The following RBKS variants were observed in gnomAD, a reference collection of about 807,000 sequenced individuals.
RBKS encodes the protein ribokinase.
A neutral mutation model predicts 33.9 loss-of-function variants in RBKS; 33 were observed. That is an observed-to-expected ratio of 0.97 (90% CI 0.74 to 1.30). The LOEUF (loss-of-function observed/expected upper bound fraction) is 1.30, where lower values mean the gene tolerates loss of function less well. Among genes scored for constraint, RBKS ranks in the 50% most tolerant of loss-of-function variants. The probability of loss-of-function intolerance (pLI) is 0.00; values close to 1 mark genes in which losing one functional copy is unlikely to be tolerated. For missense variants in RBKS, 361 were observed against 392.6 expected (o/e 0.92, Z 0.68); for synonymous variants, 125 against 143.0 (o/e 0.87, Z 0.90).
intron 1 of RBKS, among the ~76,000 whole-genome samples, chr2:27,881,059 C>A (rs768176379): frequency 1.6e-4 from 23 of 147,378 alleles, no homozygotes; most frequent in African/African-American, 3.5e-4. Context: ...GCAAACCAAC[C>A]AACCAACAAA....
chr2:27,825,358 G>C (rs1428277702), intron 7 of RBKS, among the ~76,000 whole-genome samples: 1 of 152,156 alleles, frequency 6.6e-6, no homozygotes, highest in Admixed American at 6.5e-5. Flanking sequence ...CATGTACAAA[G>C]ATTATATTCA....
intron 7 of RBKS, among the ~76,000 whole-genome samples, chr2:27,809,289 A>G (rs1677947986): frequency 1.3e-5 from 2 of 152,200 alleles, no homozygotes; most frequent in Admixed American, 6.5e-5. Context: ...CATGGCCCTC[A>G]CCGCTCTGCT....
In RBKS at chr2:27,890,354, G is replaced by A; in HGVS notation, c.-9C>T. The A allele has an allele frequency of 3.1e-6, 5 of 1,612,484 alleles. No individual in the cohort carries two copies. Among genetic ancestry groups the A allele is most frequent in the Non-Finnish European group, 4.2e-6 (5 of 1,179,782 alleles). On this transcript the variant is annotated 5_prime_UTR_variant, in exon 1 of 8. Coordinates refer to ENST00000302188, the MANE Select transcript of RBKS (RefSeq NM_022128.3). The surrounding 1 kb of genome is among the most constrained non-coding windows in gnomAD (Gnocchi z 4.8). ...TCCCCAGACGCCGCCATCGCTCAAAGGTGCTGCTGTCCAACCTGGACGGTG... is the reference window on the plus strand; with the variant it reads ...TCCCCAGACGCCGCCATCGCTCAAAAGTGCTGCTGTCCAACCTGGACGGTG...
In RBKS at chr2:27,835,504, C is replaced by T. The variant is rs1032185937; in HGVS notation, c.515-2727G>A. Among the ~76,000 whole-genome samples, 7 of 146,512 alleles carry T rather than the reference C, an allele frequency of 4.8e-5. No homozygotes were observed. In the East Asian group the frequency reaches 1.3e-3, roughly 27 times the overall value. ...CGCAATCTTGGCTCACTGCAACCTC[C>T]ACCTCCCAGACTCAAGTGATCCTCC... On this transcript the variant is annotated intron_variant, in intron 5 of 7. Transcript: ENST00000302188.
At chr2:27,813,449 AT>A (rs1419620766) in intron 7 of RBKS, among the ~76,000 whole-genome samples, 2 of 152,198 alleles carry the variant, frequency 1.3e-5, no homozygotes, top group Non-Finnish European at 2.9e-5. Flanking sequence ...TCAAATGGAA[AT>A]TTTAGAAATG....
chr2:27,872,568 A>C (rs977112858), intron 1 of RBKS, among the ~76,000 whole-genome samples: 1 of 152,232 alleles, frequency 6.6e-6, no homozygotes, highest in Non-Finnish European at 1.5e-5. Context: ...ACTCACTTTA[A>C]TCAAAAGGTT....
intron 2 of RBKS, among the ~76,000 whole-genome samples, chr2:27,849,559 C>CAAAAAAAA (rs70953894): frequency 2.2e-3 from 62 of 28,544 alleles, no homozygotes; most frequent in East Asian, 5.6e-3. Context: ...GACTCTGTCT[C>CAAAAAAAA]AAAAAAAAAA....
chr2:27,809,497 G>T (rs1247881167), intron 7 of RBKS, among the ~76,000 whole-genome samples: 1 of 152,182 alleles, frequency 6.6e-6, no homozygotes, highest in East Asian at 1.9e-4. Flanking sequence ...ATTAATGAGA[G>T]CTTTGTATAT....
At chr2:27,846,530 G>A (rs1663623432) in intron 4 of RBKS, among the ~76,000 whole-genome samples, 1 of 152,194 alleles carries the variant, frequency 6.6e-6, no homozygotes, top group South Asian at 2.1e-4. Flanking sequence ...AGACTTAGTT[G>A]TATATATAGA....
chr2:27,809,315 GAGA>G (rs1457408434), intron 7 of RBKS, among the ~76,000 whole-genome samples: 1 of 152,272 alleles, frequency 6.6e-6, no homozygotes, highest in Non-Finnish European at 1.5e-5. Context: ...GCAAGCTGCT[GAGA>G]AGAATGGCCT....
chr2:27,793,855 T>C (rs1170943035), intron 7 of RBKS, among the ~76,000 whole-genome samples: 1 of 151,832 alleles, frequency 6.6e-6, no homozygotes, highest in Non-Finnish European at 1.5e-5. Flanking sequence ...TACTCTCAAA[T>C]AGAAAAAAGG....
chr2:27,858,609 G>T (rs778700179), intron 1 of RBKS, 38 bp from the exon 2 acceptor site: 1 of 1,587,556 alleles, frequency 6.3e-7, no homozygotes, highest in Admixed American at 1.7e-5. Flanking sequence ...AAGCATATTG[G>T]TAACTGTAAT....
intron 4 of RBKS, among the ~76,000 whole-genome samples, chr2:27,846,463 C>T (rs1663622509): frequency 6.6e-6 from 1 of 152,198 alleles, no homozygotes; most frequent in African/African-American, 2.4e-5. Flanking sequence ...GCCACTGTGC[C>T]AGGCCCAATT....
chr2:27,801,146 G>A (rs1488164593), intron 7 of RBKS, among the ~76,000 whole-genome samples: 1 of 152,186 alleles, frequency 6.6e-6, no homozygotes. Flanking sequence ...GCTGGAGGAC[G>A]GGGCAGGCAG....
intron 1 of RBKS, chr2:27,870,887 C>T (rs1487800365): frequency 2.2e-6 from 1 of 458,186 alleles, no homozygotes; most frequent in Non-Finnish European, 4.4e-6. Context: ...TCATGCACAT[C>T]CTCCTGAAAA....
At chr2:27,882,651 A>G (rs1664441771) in intron 1 of RBKS, among the ~76,000 whole-genome samples, 1 of 152,262 alleles carries the variant, frequency 6.6e-6, no homozygotes, top group African/African-American at 2.4e-5. Context: ...AGCACTATTC[A>G]CAATAGCAAA....
At chr2:27,814,815 G>GTA (rs1678056560) in intron 7 of RBKS, among the ~76,000 whole-genome samples, 1 of 152,180 alleles carries the variant, frequency 6.6e-6, no homozygotes, top group Admixed American at 6.5e-5. Context: ...TTCAGAGGTT[G>GTA]TACCACAGTA....
At chr2:27,878,703 A>G (rs931428529) in intron 1 of RBKS, among the ~76,000 whole-genome samples, 7 of 152,040 alleles carry the variant, frequency 4.6e-5, no homozygotes, top group African/African-American at 1.7e-4. Flanking sequence ...TTGTTTCCTG[A>G]CTTTTTAATG....
chr2:27,791,631 C>CAA (rs1389840283), intron 7 of RBKS, among the ~76,000 whole-genome samples: 1 of 149,514 alleles, frequency 6.7e-6, no homozygotes, highest in Admixed American at 6.8e-5. Flanking sequence ...CACACACACA[C>CAA]ACACACACAC....
Sources: allele counts gnomAD v4.1 joint callset (sites outside exome capture counted in the v4.1 genomes callset), GRCh38; gene constraint gnomAD v4.1.1; non-coding constraint Gnocchi (gnomAD v3.1); transcripts MANE v1.5; gene names NCBI Gene and HGNC (gene_info 2026-07-23, HGNC 2026-07-21).